The following PTPRD variants were observed in gnomAD, a reference collection of about 807,000 sequenced individuals.
PTPRD encodes receptor-type tyrosine-protein phosphatase delta.
PTPRD carries 34 observed loss-of-function variants against 214.5 expected under a neutral mutation model. The ratio of observed to expected loss-of-function variants is 0.16; its 90% CI spans 0.12 to 0.21. PTPRD has a LOEUF of 0.21. PTPRD is among the 10% of genes least tolerant of loss of function. PTPRD has a pLI of 1.00. For synonymous variants in PTPRD, 1,128 were observed against 845.7 expected (o/e 1.33, Z -5.79); for missense variants, 2,545 against 2,398.7 (o/e 1.06, Z -1.27).
At chr9:9,065,805 T>C (rs919062306) in intron 10 of PTPRD, among the ~76,000 whole-genome samples, 83 of 152,260 alleles carry the variant, frequency 5.5e-4, no homozygotes, top group African/African-American at 1.9e-3. Context: ...TAGTTCTCTT[T>C]AGTGGAATCT....
At chr9:10,504,113 C>A (rs1426507237) in intron 2 of PTPRD, among the ~76,000 whole-genome samples, 1 of 1,744 alleles carries the variant, frequency 5.7e-4, no homozygotes. Context: ...GAGACTCTGT[C>A]TCAAAAAAAA....
intron 10 of PTPRD, among the ~76,000 whole-genome samples, chr9:9,037,465 T>C (rs1460094676): frequency 1.3e-5 from 2 of 152,114 alleles, no homozygotes; most frequent in Non-Finnish European, 2.9e-5. Context: ...TACTAAGCTT[T>C]ATAAATATAA....
At position 9,198,184 on chromosome 9, in the gene PTPRD, T is replaced by C. The variant is rs112959698; in HGVS notation, c.-202-14821A>G. ...AGCTCACTTATTATTTTAATTTCACTTAGCACTGTGGCTTTGCATTTCTTT... is the reference window on the plus strand; with the variant it reads ...AGCTCACTTATTATTTTAATTTCACCTAGCACTGTGGCTTTGCATTTCTTT... On this transcript the variant is annotated intron_variant, in intron 9 of 45. Transcript: ENST00000381196. Among the ~76,000 whole-genome samples, 689 of 152,332 alleles carry C rather than the reference T, an allele frequency of 4.5e-3. 4 individuals are homozygous for C. Among genetic ancestry groups the C allele is most frequent in the African/African-American group, 0.016 (660 of 41,582 alleles).
At chr9:9,112,661 C>T (rs1464191537) in intron 10 of PTPRD, among the ~76,000 whole-genome samples, 3 of 152,106 alleles carry the variant, frequency 2.0e-5, no homozygotes, top group African/African-American at 7.2e-5. Flanking sequence ...CAATATTCAT[C>T]AAATGGCAAA....
At chr9:8,327,415 C>A (rs1184746767) in intron 44 of PTPRD, among the ~76,000 whole-genome samples, 4 of 151,152 alleles carry the variant, frequency 2.6e-5, no homozygotes, top group African/African-American at 9.7e-5. Flanking sequence ...GTTATGATTT[C>A]TGTTCTTTTG....
chr9:8,356,571 T>C (rs1341379980), intron 39 of PTPRD, among the ~76,000 whole-genome samples: 3 of 152,216 alleles, frequency 2.0e-5, no homozygotes, highest in South Asian at 2.1e-4. Flanking sequence ...AACTCAGTGA[T>C]ACCCCTGTCC....
At chr9:8,594,655 T>C (rs1377249201) in intron 14 of PTPRD, among the ~76,000 whole-genome samples, 2 of 152,068 alleles carry the variant, frequency 1.3e-5, no homozygotes, top group Non-Finnish European at 1.5e-5. Context: ...TGTGTTTGAC[T>C]GTTCCTCCTT....
At chr9:9,607,089 G>GT (rs2154341908) in intron 7 of PTPRD, among the ~76,000 whole-genome samples, 1 of 148,032 alleles carries the variant, frequency 6.8e-6, no homozygotes, top group South Asian at 2.2e-4. Flanking sequence ...CACGTGGCCT[G>GT]TAACACTCTT....
intron 10 of PTPRD, among the ~76,000 whole-genome samples, chr9:9,177,183 AAGG>A (rs1014681669): frequency 2.6e-5 from 4 of 152,192 alleles, no homozygotes; most frequent in African/African-American, 7.2e-5. Flanking sequence ...AGGCAGCAGG[AAGG>A]AGAAGTGCCT....
rs1416784145 is a variant in PTPRD at position 8,504,399 on chromosome 9, T to C, written c.1684A>G (p.Ile562Val). ...TATGATGTCCCTGGCTCAATGGTAA[T>C]TCGTTGCTGGAAGCAATAAGAGAAT... ...KDGEHGEEQR[I>V]TIEPGTSYRL... The change falls in exon 23 of 46, where the codon ATT (isoleucine) becomes GTT (valine). Residue 562 changes from isoleucine (I) to valine (V), a missense_variant. Ile to Val is a conservative substitution (Grantham distance 29). Coordinates refer to ENST00000381196, the MANE Select transcript of PTPRD (RefSeq NM_002839.4). The C allele has an allele frequency of 4.3e-6, 7 of 1,614,018 alleles. No individual in the cohort carries two copies. In the South Asian group the frequency reaches 6.6e-5, roughly 15 times the overall value.
At chr9:9,424,190 G>T (rs901268415) in intron 8 of PTPRD, among the ~76,000 whole-genome samples, 1 of 152,180 alleles carries the variant, frequency 6.6e-6, no homozygotes, top group African/African-American at 2.4e-5. Flanking sequence ...TGAAAAATTT[G>T]TTGCCACTTC....
At chr9:8,343,174 C>T (rs1405033643) in intron 39 of PTPRD, among the ~76,000 whole-genome samples, 1 of 151,882 alleles carries the variant, frequency 6.6e-6, no homozygotes, top group South Asian at 2.1e-4. Flanking sequence ...AAAATAATAC[C>T]TTTATTTAAC....
intron 37 of PTPRD, among the ~76,000 whole-genome samples, chr9:8,377,855 AC>A (rs1295287417): frequency 6.6e-6 from 1 of 152,140 alleles, no homozygotes. Flanking sequence ...AGTATTTGTA[AC>A]ATTCTGTGAA....
intron 11 of PTPRD, among the ~76,000 whole-genome samples, chr9:8,920,647 C>A (rs1440076309): frequency 1.3e-5 from 2 of 152,106 alleles, no homozygotes; most frequent in East Asian, 3.9e-4. Context: ...TTGTGTTGGG[C>A]CACATTCAAA....
intron 6 of PTPRD, among the ~76,000 whole-genome samples, chr9:9,739,300 G>T (rs547562384): frequency 6.6e-6 from 1 of 152,144 alleles, no homozygotes; most frequent in Non-Finnish European, 1.5e-5. Flanking sequence ...TTAGTTGTAA[G>T]CGTTTGCTAG....
chr9:8,364,732 C>T (rs529049354), intron 39 of PTPRD, among the ~76,000 whole-genome samples: 9 of 152,340 alleles, frequency 5.9e-5, no homozygotes, highest in African/African-American at 1.4e-4. Context: ...CCTTTGGCAT[C>T]GCTCTACGAT....
chr9:9,683,375 T>C (rs1595124359), intron 7 of PTPRD, among the ~76,000 whole-genome samples: 1 of 151,858 alleles, frequency 6.6e-6, no homozygotes, highest in East Asian at 1.9e-4. Context: ...AACAGTATGG[T>C]TTGTGGCACA....
At position 9,938,519 on chromosome 9, in the gene PTPRD, C is replaced by G. The variant is rs1204800649; in HGVS notation, c.-380G>C. 1 of 152,078 alleles carries G rather than the reference C, an allele frequency of 6.6e-6. No homozygotes were observed. Among genetic ancestry groups the G allele is most frequent in the Admixed American group, 6.6e-5 (1 of 15,262 alleles). 9.4% of individuals were successfully genotyped at this position (152,078 alleles called of 1,614,324 possible). A position where few individuals can be genotyped will look rare whatever the true frequency, so the allele number is the denominator to read the frequency against. Reference sequence around the variant, plus strand: ...ATACTGAACTCACCTGGAGCCGAAGCCCATCGCTTCCCTCGGTGCCAACAT... The same window carrying G: ...ATACTGAACTCACCTGGAGCCGAAGGCCATCGCTTCCCTCGGTGCCAACAT... On this transcript the variant is annotated 5_prime_UTR_variant, in exon 5 of 46. Coordinates refer to ENST00000381196, the MANE Select transcript of PTPRD (RefSeq NM_002839.4).
At chr9:9,267,075 A>G (rs1035146972) in intron 9 of PTPRD, among the ~76,000 whole-genome samples, 4 of 151,282 alleles carry the variant, frequency 2.6e-5, no homozygotes, top group Non-Finnish European at 5.9e-5. Flanking sequence ...AATATAAATG[A>G]ATAAATGTTT....
Sources: gnomAD v4.1 joint callset for allele counts (sites outside exome capture counted in the v4.1 genomes callset) on GRCh38, gnomAD v4.1.1 for gene constraint, MANE v1.5 for transcripts, NCBI Gene and HGNC (gene_info 2026-07-23, HGNC 2026-07-21) for gene names.